Variants in RYR2 observed in about 807,000 individuals in gnomAD.
RYR2 encodes the protein cardiac muscle ryanodine receptor-calcium release channel.
RYR2 carries 227 observed loss-of-function variants against 601.1 expected under a neutral mutation model. The observed-to-expected ratio is 0.38, with a 90% CI of 0.34 to 0.42. The LOEUF is 0.42. RYR2 is among the 10% of genes least tolerant of loss of function. The pLI, the probability that RYR2 is intolerant of heterozygous loss-of-function variation, is 1.00. For missense variants in RYR2, 4,646 were observed against 6,156.5 expected (o/e 0.75, Z 8.21); for synonymous variants, 2,223 against 2,175.1 (o/e 1.02, Z -0.61).
intron 2 of RYR2, among the ~76,000 whole-genome samples, chr1:237,313,395 A>C (rs1694771905): frequency 6.6e-6 from 1 of 152,140 alleles, no homozygotes; most frequent in African/African-American, 2.4e-5. Context: ...TGTGCTTATA[A>C]GGGGGAAGCA....
At chr1:237,525,984 AAAAAAT>A (rs1667548050) in intron 24 of RYR2, among the ~76,000 whole-genome samples, 1 of 150,944 alleles carries the variant, frequency 6.6e-6, no homozygotes, top group Non-Finnish European at 1.5e-5. Flanking sequence ...CCTCAAAAAA[AAAAAAT>A]AATAATAATA....
At chr1:237,138,046 T>C (rs1036012114) in intron 1 of RYR2, among the ~76,000 whole-genome samples, 1 of 152,080 alleles carries the variant, frequency 6.6e-6, no homozygotes, top group African/African-American at 2.4e-5. Flanking sequence ...TTATTTTATT[T>C]TTTGGGACTG....
intron 67 of RYR2, 37 bp downstream of exon 67, chr1:237,705,380 A>C: frequency 1.9e-6 from 3 of 1,553,388 alleles, no homozygotes; most frequent in Non-Finnish European, 2.6e-6. Context: ...TGAGATATGA[A>C]GCTAAAACTT....
At chr1:237,054,177 T>C (rs963039356) in intron 1 of RYR2, among the ~76,000 whole-genome samples, 1 of 146,402 alleles carries the variant, frequency 6.8e-6, no homozygotes, top group African/African-American at 2.5e-5. Flanking sequence ...CCCTCCCTCC[T>C]TCCCTCCCTC....
At chr1:237,724,685 A>G (rs1443968089) in intron 74 of RYR2, among the ~76,000 whole-genome samples, 3 of 152,064 alleles carry the variant, frequency 2.0e-5, no homozygotes, top group African/African-American at 7.2e-5. Context: ...TAAGTGATTT[A>G]TATAAAGTCA....
At chr1:237,102,689 C>G (rs989861442) in intron 1 of RYR2, among the ~76,000 whole-genome samples, 1 of 152,042 alleles carries the variant, frequency 6.6e-6, no homozygotes, top group African/African-American at 2.4e-5. Flanking sequence ...AACCCCTTCT[C>G]TACTAAAAAT....
At chr1:237,508,974 C>T (rs2150530474) in intron 23 of RYR2, among the ~76,000 whole-genome samples, 1 of 151,902 alleles carries the variant, frequency 6.6e-6, no homozygotes, top group African/African-American at 2.4e-5. Flanking sequence ...GATCTCCTGA[C>T]CTCGTGATCC....
chr1:237,784,599 A>C lies in RYR2; in HGVS notation c.12887A>C (p.His4296Pro), dbSNP rs1695398009. The C allele has an allele frequency of 1.2e-6, 2 of 1,613,716 alleles. No individual in the cohort carries two copies. The highest frequency in any genetic ancestry group is 1.7e-6 in the Non-Finnish European group (2 of 1,179,844). The change falls in exon 90 of 105, where the codon CAC becomes CCC. Residue 4296 changes from histidine (H) to proline (P), a missense_variant. His to Pro is a moderately conservative substitution (Grantham distance 77). This residue lies in a region of RYR2 where 364 missense variants were observed against 442.9 expected (regional missense o/e 0.82). Transcript: ENST00000366574. The surrounding 1 kb of genome is among the most constrained non-coding windows in gnomAD (Gnocchi z 7.1). ...SYWSIFMTLL[H>P]FVASVFRGFF... ...TGGAGTATTTTCATGACCCTCTTGC[A>C]CTTCGTGGCCAGCGTTTTCAGAGGC...
At position 237,412,649 on chromosome 1, in the gene RYR2, C is replaced by A. The variant is rs556212801; in HGVS notation, c.774-4400C>A. On this transcript the variant is annotated intron_variant, in intron 10 of 104. Transcript: ENST00000366574. ...CATTGCAAAAATAGTCTCCAGTTAACAAAGAGCTGCATGAGCTCTTTTGTA... is the reference window on the plus strand; with the variant it reads ...CATTGCAAAAATAGTCTCCAGTTAAAAAAGAGCTGCATGAGCTCTTTTGTA... 2.0e-5 allele frequency among the ~76,000 whole-genome samples: 3 copies of A among 152,262 alleles called. No homozygotes were observed. In the South Asian group the frequency reaches 6.2e-4, roughly 32 times the overall value.
At chr1:237,531,634 G>A (rs2147948818) in intron 25 of RYR2, among the ~76,000 whole-genome samples, 1 of 152,240 alleles carries the variant, frequency 6.6e-6, no homozygotes, top group South Asian at 2.1e-4. Flanking sequence ...GCAGATTTAA[G>A]CAAGTCTCTA....
chr1:237,511,840 A>C, intron 24 of RYR2, 49 bp downstream of exon 24: 1 of 895,806 alleles, frequency 1.1e-6, no homozygotes, highest in South Asian at 2.0e-5. Context: ...CCCTGAAAAA[A>C]AAAAAAAAAA....
At chr1:237,823,348 T>C (rs1181419206) in intron 101 of RYR2, among the ~76,000 whole-genome samples, 1 of 152,096 alleles carries the variant, frequency 6.6e-6, no homozygotes, top group African/African-American at 2.4e-5. Flanking sequence ...CACAGTGCAA[T>C]CAAATTAGAA....
intron 2 of RYR2, among the ~76,000 whole-genome samples, chr1:237,300,181 A>G (rs1693210438): frequency 6.6e-6 from 1 of 152,166 alleles, no homozygotes; most frequent in South Asian, 2.1e-4. Flanking sequence ...AGACTGACTT[A>G]GTATTATTGA....
At chr1:237,785,111 G>C in intron 90 of RYR2, 139 bp downstream of exon 90, 1 of 696,196 alleles carries the variant, frequency 1.4e-6, no homozygotes, top group Non-Finnish European at 2.5e-6. Flanking sequence ...AATGCTTTTT[G>C]GTAGACAAAG....
At chr1:237,426,235 G>A (rs1454219272) in intron 12 of RYR2, among the ~76,000 whole-genome samples, 1 of 152,108 alleles carries the variant, frequency 6.6e-6, no homozygotes, top group African/African-American at 2.4e-5. Context: ...GTTAACTGGA[G>A]AGCTCCAGGA....
chr1:237,591,613 T>G, intron 31 of RYR2, 126 bp from the exon 32 acceptor site: 1 of 712,472 alleles, frequency 1.4e-6, no homozygotes, highest in Non-Finnish European at 2.5e-6. Context: ...TTTTCAGATA[T>G]TCCCAGATGT....
chr1:237,200,778 G>C (rs1681106320), intron 1 of RYR2, among the ~76,000 whole-genome samples: 1 of 152,202 alleles, frequency 6.6e-6, no homozygotes, highest in African/African-American at 2.4e-5. Context: ...TTCTATAACT[G>C]TAGTATAATT....
At chr1:237,190,698 A>G (rs1459432683) in intron 1 of RYR2, among the ~76,000 whole-genome samples, 1 of 152,250 alleles carries the variant, frequency 6.6e-6, no homozygotes, top group Non-Finnish European at 1.5e-5. Flanking sequence ...AAATGATTTA[A>G]AGTATACAGG....
intron 2 of RYR2, among the ~76,000 whole-genome samples, chr1:237,326,249 G>A (rs1472785913): frequency 6.6e-6 from 1 of 151,888 alleles, no homozygotes; most frequent in Non-Finnish European, 1.5e-5. Context: ...GCCAGGCAGG[G>A]GAGGATGGTG....
Sources: gnomAD v4.1 joint callset for allele counts (sites outside exome capture counted in the v4.1 genomes callset) on GRCh38, gnomAD v4.1.1 for gene constraint, gnomAD v4.1.1 regional missense constraint, Gnocchi (gnomAD v3.1) non-coding constraint, MANE v1.5 for transcripts, NCBI Gene and HGNC (gene_info 2026-07-23, HGNC 2026-07-21) for gene names.